Variants in PADI3 observed in about 807,000 individuals in gnomAD.
The protein encoded by PADI3 is peptidyl arginine deiminase 3, also known as protein-arginine deiminase type-3.
A neutral mutation model predicts 71.5 loss-of-function variants in PADI3; 53 were observed. The ratio of observed to expected loss-of-function variants is 0.74; its 90% CI spans 0.59 to 0.93. The LOEUF (loss-of-function observed/expected upper bound fraction) is 0.93. Ranked by LOEUF, PADI3 falls within the 40% of genes least tolerant of loss-of-function variation. The probability of loss-of-function intolerance (pLI) is 0.00; values close to 1 mark genes in which losing one functional copy is unlikely to be tolerated. For missense variants in PADI3, 821 were observed against 868.0 expected (o/e 0.95, Z 0.68); for synonymous variants, 361 against 347.5 (o/e 1.04, Z -0.43).
rs368854530 is a variant in PADI3 at position 17,263,636 on chromosome 1, T to A, written c.346+1431T>A. Among the ~76,000 whole-genome samples the A allele has an allele frequency of 6.6e-4, 101 of 152,304 alleles. No individual in the cohort carries two copies. The South Asian group carries it at 0.016, about 24-fold the overall frequency. ...GTGCAAAGACCATAAGGGGAAAGAT[T>A]GCTAAATTAGACTGTATTAAAATTA... On this transcript the variant is annotated intron_variant, in intron 3 of 15. Transcript: ENST00000375460.
At chr1:17,279,207 C>T (rs1557515156) in intron 13 of PADI3, among the ~76,000 whole-genome samples, 1 of 152,178 alleles carries the variant, frequency 6.6e-6, no homozygotes, top group Non-Finnish European at 1.5e-5. Context: ...GGCTGACACT[C>T]AGGCAGTGAC....
intron 5 of PADI3, 137 bp downstream of exon 5, chr1:17,266,973 C>T: frequency 1.5e-6 from 1 of 684,180 alleles, no homozygotes; most frequent in Non-Finnish European, 2.6e-6. Context: ...CCTCGATGCT[C>T]CTCAAAACCC....
intron 9 of PADI3, among the ~76,000 whole-genome samples, chr1:17,272,270 TCTC>T (rs1241365324): frequency 6.6e-6 from 1 of 151,980 alleles, no homozygotes; most frequent in Non-Finnish European, 1.5e-5. Context: ...CCTTGTGTGT[TCTC>T]CTCTGTCAGG....
At position 17,271,167 on chromosome 1, in the gene PADI3, C is replaced by A; in HGVS notation, c.1036C>A (p.Arg346Ser). ...CCCACAGGCCGAGAACCGCAACGAC[C>A]GCTGGATCCAGGTAACCACAGCCAC... The part of the protein sequence containing the change: ...ICPQAENRND[R>S]WIQDEMELGY... The change falls in exon 9 of 16, where the codon CGC (arginine) becomes AGC (serine). Residue 346 changes from arginine (R) to serine (S), a missense_variant. Coordinates refer to ENST00000375460, the MANE Select transcript of PADI3 (RefSeq NM_016233.2). 6.2e-7 allele frequency: 1 copy of A among 1,612,864 alleles called. No homozygotes were observed. The highest frequency in any genetic ancestry group is 8.5e-7 in the Non-Finnish European group (1 of 1,179,892).
chr1:17,269,706 C>T (rs572758354), intron 6 of PADI3, among the ~76,000 whole-genome samples: 22 of 152,066 alleles, frequency 1.4e-4, no homozygotes, highest in Non-Finnish European at 2.6e-4. Context: ...CAACCTCCGC[C>T]TCCTGGGTTC....
chr1:17,250,351 A>G (rs551554770), intron 1 of PADI3, among the ~76,000 whole-genome samples: 2 of 152,280 alleles, frequency 1.3e-5, no homozygotes, highest in South Asian at 4.1e-4. Context: ...TTTGCTAGAT[A>G]CCAGCAGCAC....
chr1:17,264,935 G>C (rs980474440), intron 3 of PADI3, among the ~76,000 whole-genome samples: 1 of 151,640 alleles, frequency 6.6e-6, no homozygotes, highest in Non-Finnish European at 1.5e-5. Context: ...CTTGAGCCCA[G>C]GAGGCAGAGG....
rs375862584 is a variant in PADI3 at position 17,283,195 on chromosome 1, A to G, written c.*116A>G. 10 of 745,426 alleles carry G rather than the reference A, an allele frequency of 1.3e-5. No individual in the cohort carries two copies. The highest frequency in any genetic ancestry group is 5.3e-5 in the East Asian group (2 of 37,518). 46.2% of individuals were successfully genotyped at this position (745,426 alleles called of 1,614,324 possible). A position where few individuals can be genotyped will look rare whatever the true frequency, so the allele number is the denominator to read the frequency against. Reference sequence around the variant, plus strand: ...GAGACCCCAAGGCTCCAGATGGAACACTGAGGGTGACCGTCCCTCTCAGAA... The same window carrying G: ...GAGACCCCAAGGCTCCAGATGGAACGCTGAGGGTGACCGTCCCTCTCAGAA... On this transcript the variant is annotated 3_prime_UTR_variant, in exon 16 of 16. Coordinates refer to ENST00000375460, the MANE Select transcript of PADI3 (RefSeq NM_016233.2).
At chr1:17,270,097 C>A in intron 6 of PADI3, 136 bp from the exon 7 acceptor site, 1 of 980,324 alleles carries the variant, frequency 1.0e-6, no homozygotes, top group Non-Finnish European at 1.5e-6. Context: ...CTCTCCTTTG[C>A]CAGTGGAGGT....
chr1:17,276,711 A>C (rs1470951723), intron 12 of PADI3, 48 bp downstream of exon 12: 1 of 1,613,938 alleles, frequency 6.2e-7, no homozygotes, highest in South Asian at 1.1e-5. Context: ...CTGGGGCAAG[A>C]ACTGAGCTCC....
intron 11 of PADI3, among the ~76,000 whole-genome samples, chr1:17,275,658 A>G (rs979312341): frequency 3.3e-5 from 5 of 152,172 alleles, no homozygotes; most frequent in African/African-American, 1.2e-4. Flanking sequence ...GTAGTGACAC[A>G]GGGGTGCTGA....
chr1:17,277,495 G>T (rs1047623662), intron 13 of PADI3, among the ~76,000 whole-genome samples: 29 of 152,106 alleles, frequency 1.9e-4, no homozygotes, highest in Non-Finnish European at 1.5e-5. Flanking sequence ...ACACCTGGCT[G>T]CCCTGAAATC....
At position 17,249,152 on chromosome 1, in the gene PADI3, A is replaced by C; in HGVS notation, c.15A>C (p.Arg5Ser). The change falls in exon 1 of 16, where the codon AGA becomes AGC. Residue 5 changes from arginine (R) to serine (S), a missense_variant. Physicochemically the swap from Arg to Ser is moderately radical, Grantham distance 110. Transcript: ENST00000375460. Reference protein sequence around the residue: MSLQRIVRVSLEHPT... With the variant: MSLQSIVRVSLEHPT... ...CCAACACCAGCATGTCGCTGCAGAG[A>C]ATCGTGCGTGTGTCCCTGGAGCATC... The C allele has an allele frequency of 6.2e-7, 1 of 1,614,136 alleles. No homozygotes were observed. The highest frequency in any genetic ancestry group is 8.5e-7 in the Non-Finnish European group (1 of 1,180,006).
At position 17,274,758 on chromosome 1, in the gene PADI3, A is replaced by G; in HGVS notation, c.1279A>G (p.Arg427Gly). ...VANGKEYPLG[R>G]ILIGGNLPGS... ...CAATGGGAAAGAGTACCCCCTGGGG[A>G]GGATCCTCATTGGGGGCAACCTGCC... Residue 427 changes from arginine (R) to glycine (G), a missense_variant, in exon 11 of 16, where the codon AGG becomes GGG. By Grantham distance (125) the Arg-to-Gly change is moderately radical (BLOSUM62 -2). Coordinates refer to ENST00000375460, the MANE Select transcript of PADI3 (RefSeq NM_016233.2). The G allele has an allele frequency of 6.2e-7, 1 of 1,613,704 alleles. No homozygotes were observed.
At chr1:17,276,067 G>A (rs2100597077) in intron 11 of PADI3, among the ~76,000 whole-genome samples, 1 of 152,328 alleles carries the variant, frequency 6.6e-6, no homozygotes, top group South Asian at 2.1e-4. Context: ...GGGTGCAGTG[G>A]CTCATCCCTG....
At chr1:17,272,722 T>G (rs1303224196) in intron 9 of PADI3, among the ~76,000 whole-genome samples, 15 of 152,170 alleles carry the variant, frequency 9.9e-5, no homozygotes, top group Admixed American at 9.8e-4. Context: ...TGTCTCAAAC[T>G]CCTGGCCTCA....
At chr1:17,280,911 G>T (rs2073392895) in intron 15 of PADI3, 115 bp downstream of exon 15, 1 of 1,340,596 alleles carries the variant, frequency 7.5e-7, no homozygotes, top group Admixed American at 1.9e-5. Context: ...AGTGGGGGTG[G>T]CAGGGAGAAT....
chr1:17,252,066 G>A (rs568085277), intron 1 of PADI3, among the ~76,000 whole-genome samples: 3 of 152,312 alleles, frequency 2.0e-5, no homozygotes, highest in Admixed American at 1.3e-4. Flanking sequence ...CCATGAATTG[G>A]AGATGACCCA....
chr1:17,259,609 G>A lies in PADI3; in HGVS notation c.124G>A (p.Val42Ile). ...SVPEGTEMFE[V>I]YGTPGVDIYI... is the part of the protein sequence containing the mutation. ...GCCTGAGGGCACAGAAATGTTTGAG[G>A]TCTATGGGACGCCTGGCGTGGACAT... is the stretch of plus-strand genomic sequence containing the variant. Residue 42 changes from valine to isoleucine, a missense_variant, in exon 2 of 16, where the codon GTC becomes ATC. Physicochemically the swap from Val to Ile is conservative, Grantham distance 29. Transcript: ENST00000375460. 1.2e-6 allele frequency: 2 copies of A among 1,612,410 alleles called. No homozygotes were observed. Among genetic ancestry groups the A allele is most frequent in the Non-Finnish European group, 1.7e-6 (2 of 1,178,964 alleles).
Sources: allele counts gnomAD v4.1 joint callset (sites outside exome capture counted in the v4.1 genomes callset), GRCh38; gene constraint gnomAD v4.1.1; transcripts MANE v1.5; gene names NCBI Gene and HGNC (gene_info 2026-07-23, HGNC 2026-07-21).